CREB5: variants seen among roughly 807,000 people sequenced by gnomAD.
CREB5 encodes cyclic AMP-responsive element-binding protein 5.
A neutral mutation model predicts 57.1 loss-of-function variants in CREB5; 19 were observed. The observed-to-expected ratio is 0.33, with a 90% CI of 0.23 to 0.49. The LOEUF is 0.49. Ranked by LOEUF, CREB5 falls within the 20% of genes least tolerant of loss-of-function variation. CREB5 has a pLI of 0.99. For synonymous variants in CREB5, 238 were observed against 238.3 expected, an observed-to-expected ratio of 1.00 and a Z score of 0.01; for missense variants, 579 against 671.6, an observed-to-expected ratio of 0.86 and a Z score of 1.52.
At chr7:28,778,189 A>C (rs902665668) in intron 7 of CREB5, among the ~76,000 whole-genome samples, 3 of 152,270 alleles carry the variant, frequency 2.0e-5, no homozygotes, top group Non-Finnish European at 4.4e-5. Flanking sequence ...ACTTGTAGTA[A>C]CTTGAGCACA....
intron 7 of CREB5, among the ~76,000 whole-genome samples, chr7:28,802,717 G>A (rs777637596): frequency 2.6e-5 from 4 of 152,250 alleles, no homozygotes; most frequent in Non-Finnish European, 4.4e-5. Flanking sequence ...CAATTTTGAA[G>A]AAACTGGGAC....
At chr7:28,463,878 T>C (rs1373573567) in intron 1 of CREB5, among the ~76,000 whole-genome samples, 1 of 152,168 alleles carries the variant, frequency 6.6e-6, no homozygotes, top group African/African-American at 2.4e-5. Flanking sequence ...ATAGAGATAG[T>C]TTTAATGGGT....
chr7:28,755,884 G>A (rs1383544902), intron 7 of CREB5, among the ~76,000 whole-genome samples: 1 of 151,152 alleles, frequency 6.6e-6, no homozygotes, highest in Non-Finnish European at 1.5e-5. Flanking sequence ...GTGTTTCAGA[G>A]ATCTTCAAGT....
intron 1 of CREB5, among the ~76,000 whole-genome samples, chr7:28,337,114 A>G (rs1785838298): frequency 6.6e-6 from 1 of 152,132 alleles, no homozygotes; most frequent in East Asian, 1.9e-4. Flanking sequence ...GTGGCCTAAC[A>G]TATGGTCTAG....
intron 5 of CREB5, chr7:28,615,980 C>T (rs958189345): frequency 1.3e-5 from 2 of 152,242 alleles, no homozygotes; most frequent in Admixed American, 1.3e-4. Flanking sequence ...TCTTCTAAAA[C>T]TCTTAAATCA....
chr7:28,489,489 G>C (rs977839301), intron 2 of CREB5, among the ~76,000 whole-genome samples: 8 of 151,842 alleles, frequency 5.3e-5, no homozygotes, highest in African/African-American at 1.9e-4. Flanking sequence ...TTTTAGTAGA[G>C]ACGGGGTTTC....
intron 5 of CREB5, among the ~76,000 whole-genome samples, chr7:28,660,504 G>C (rs767406055): frequency 6.0e-5 from 9 of 151,242 alleles, no homozygotes; most frequent in African/African-American, 9.8e-5. Flanking sequence ...ATCTACTTGG[G>C]GATGTGGAGA....
At chr7:28,450,414 C>T (rs1035172277) in intron 1 of CREB5, among the ~76,000 whole-genome samples, 5 of 152,170 alleles carry the variant, frequency 3.3e-5, no homozygotes, top group African/African-American at 1.2e-4. Context: ...TCTAAACTGC[C>T]ATTTGGATGC....
At chr7:28,575,015 A>G (rs1054650851) in intron 5 of CREB5, among the ~76,000 whole-genome samples, 3 of 152,242 alleles carry the variant, frequency 2.0e-5, no homozygotes, top group Non-Finnish European at 4.4e-5. Flanking sequence ...TTATGTAAAG[A>G]TGAAAAGGTG....
chr7:28,512,443 A>G (rs1452980892), intron 4 of CREB5, among the ~76,000 whole-genome samples: 1 of 152,182 alleles, frequency 6.6e-6, no homozygotes, highest in Non-Finnish European at 1.5e-5. Context: ...CAAGTAGGGA[A>G]GCCCAGCCCT....
At chr7:28,690,697 G>A (rs1377967807) in intron 5 of CREB5, among the ~76,000 whole-genome samples, 1 of 152,170 alleles carries the variant, frequency 6.6e-6, no homozygotes, top group Non-Finnish European at 1.5e-5. Flanking sequence ...TGGTGGGGAG[G>A]AAATCTTGGT....
intron 7 of CREB5, among the ~76,000 whole-genome samples, chr7:28,739,688 G>A (rs1256907734): frequency 6.6e-6 from 1 of 152,066 alleles, no homozygotes; most frequent in Non-Finnish European, 1.5e-5. Context: ...GCAGTGAGTG[G>A]GAAAAGGAGA....
At position 28,744,504 on chromosome 7, in the gene CREB5, C is replaced by T. The variant is rs943982137; in HGVS notation, c.702+20172C>T. On this transcript the variant is annotated intron_variant, in intron 7 of 10. Coordinates refer to ENST00000357727, the MANE Select transcript of CREB5 (RefSeq NM_182898.4). ...CTGGGATTACAGGTACACACCACCA[C>T]GCCCTGCTAATTTTTGTATTTTTAG... 9.2e-5 allele frequency among the ~76,000 whole-genome samples: 14 copies of T among 151,844 alleles called. 1 individual carries two copies. The highest frequency in any genetic ancestry group is 2.0e-4 in the Admixed American group (3 of 15,244).
chr7:28,385,419 G>A (rs1273185449), intron 1 of CREB5, among the ~76,000 whole-genome samples: 1 of 152,178 alleles, frequency 6.6e-6, no homozygotes, highest in Non-Finnish European at 1.5e-5. Context: ...GCTCATGCTT[G>A]TAATCCTAGC....
At chr7:28,658,951 GTGTATATATATATATATATATATATATA>G (rs1397385877) in intron 5 of CREB5, among the ~76,000 whole-genome samples, 10 of 46,982 alleles carry the variant, frequency 2.1e-4, no homozygotes, top group South Asian at 6.0e-4. Flanking sequence ...ATGTGTGTGT[GTGTATATATATATATATATATATATATA>G]TGTATATATA....
chr7:28,818,242 T>G (rs907255994), intron 10 of CREB5, 63 bp downstream of exon 10: 4 of 1,129,582 alleles, frequency 3.5e-6, no homozygotes, highest in South Asian at 1.3e-5. Flanking sequence ...AAGTTTGCAC[T>G]GAATTTGATT....
chr7:28,314,053 G>A (rs968975616), intron 1 of CREB5, among the ~76,000 whole-genome samples: 1 of 152,180 alleles, frequency 6.6e-6, no homozygotes, highest in Non-Finnish European at 1.5e-5. Flanking sequence ...ATTAAGGGCT[G>A]ATTTTTCTAG....
chr7:28,683,155 C>T (rs1800686762), intron 5 of CREB5, among the ~76,000 whole-genome samples: 1 of 152,140 alleles, frequency 6.6e-6, no homozygotes, highest in Admixed American at 6.6e-5. Flanking sequence ...TACGAAGCCC[C>T]CCTTCTTCAG....
At chr7:28,732,433 C>G (rs1468091890) in intron 7 of CREB5, among the ~76,000 whole-genome samples, 1 of 152,106 alleles carries the variant, frequency 6.6e-6, no homozygotes, top group Non-Finnish European at 1.5e-5. Flanking sequence ...CAGAACACCC[C>G]CTCTCAGACA....
Sources: gnomAD v4.1 joint callset for allele counts (sites outside exome capture counted in the v4.1 genomes callset) on GRCh38, gnomAD v4.1.1 for gene constraint, MANE v1.5 for transcripts, NCBI Gene and HGNC (gene_info 2026-07-23, HGNC 2026-07-21) for gene names.